Variants in MAP4 observed in about 807,000 individuals in gnomAD.
MAP4 encodes the protein microtubule associated protein 4.
A neutral mutation model predicts 170.2 loss-of-function variants in MAP4; 76 were observed. That is an observed-to-expected ratio of 0.45 (90% CI 0.37 to 0.54). MAP4 has a LOEUF of 0.54. Among genes scored for constraint, MAP4 ranks in the 20% least tolerant of loss-of-function variants. The probability of loss-of-function intolerance (pLI) is 0.00; values close to 1 mark genes in which losing one functional copy is unlikely to be tolerated. For missense variants in MAP4, 2,506 were observed against 2,748.0 expected (o/e 0.91, Z 1.97); for synonymous variants, 909 against 994.5 (o/e 0.91, Z 1.62).
chr3:47,909,502 T>A lies in MAP4; in HGVS notation c.4919A>T (p.Asn1640Ile). 6.2e-7 allele frequency: 1 copy of A among 1,613,586 alleles called. No individual in the cohort carries two copies. Among genetic ancestry groups the A allele is most frequent in the East Asian group, 2.2e-5 (1 of 44,888 alleles). The change falls in exon 9 of 21, where the codon AAT (asparagine) becomes ATT (isoleucine). Residue 1640 changes from asparagine to isoleucine, a missense_variant. This residue lies in a region of MAP4 where 2,008 missense variants were observed against 2,206.0 expected (regional missense o/e 0.91). Coordinates refer to ENST00000683076, the MANE Select transcript of MAP4 (RefSeq NM_001385682.1). Reference sequence around the variant, plus strand: ...ACCTTTGGAATTTCTATCTTGAGCATTTTGGTCCTCACAAAAACTGAGCTT... The same window carrying A: ...ACCTTTGGAATTTCTATCTTGAGCAATTTGGTCCTCACAAAAACTGAGCTT... ...AQKLSFCEDQ[N>I]AQDRNSKGSD...
rs1309743788 is a variant in MAP4 at position 47,894,752 on chromosome 3, G to T, written c.5434+8198C>A. ...TATGAAAGTCTGGAGATGGCTGGGT[G>T]CCATGGCTCACACCTGTAATCCCAG... On this transcript the variant is annotated intron_variant, in intron 10 of 20. Coordinates refer to ENST00000683076, the MANE Select transcript of MAP4 (RefSeq NM_001385682.1). Among the ~76,000 whole-genome samples, 3 of 152,074 alleles carry T rather than the reference G, an allele frequency of 2.0e-5. No homozygotes were observed. The East Asian group carries it at 5.8e-4, about 29-fold the overall frequency.
chr3:47,973,332 G>GT, intron 3 of MAP4: 1 of 984,954 alleles, frequency 1.0e-6, no homozygotes, highest in Non-Finnish European at 1.2e-6. Context: ...AAGCAGCCCT[G>GT]ACCAGTCTGG....
chr3:48,040,603 C>T (rs1184107164), intron 1 of MAP4, among the ~76,000 whole-genome samples: 1 of 151,608 alleles, frequency 6.6e-6, no homozygotes, highest in Non-Finnish European at 1.5e-5. Flanking sequence ...GTCTCACTGT[C>T]ACCCAGCTGG....
chr3:47,991,534 C>T (rs1365728003), intron 2 of MAP4, among the ~76,000 whole-genome samples: 3 of 152,158 alleles, frequency 2.0e-5, no homozygotes, highest in Non-Finnish European at 4.4e-5. Flanking sequence ...AAGGCACGCG[C>T]ACCTGTAGTC....
intron 3 of MAP4, among the ~76,000 whole-genome samples, chr3:47,952,469 T>G (rs958139042): frequency 2.0e-5 from 3 of 152,002 alleles, no homozygotes; most frequent in Non-Finnish European, 4.4e-5. Flanking sequence ...GGGAAAAGAT[T>G]GAGAAATCGG....
At chr3:47,977,732 C>G (rs185491580) in intron 3 of MAP4, 133 bp downstream of exon 3, 2 of 606,442 alleles carry the variant, frequency 3.3e-6, no homozygotes, top group East Asian at 5.3e-5. Context: ...GTTTAAATAC[C>G]TCCAACAAGA....
chr3:47,928,469 T>G, intron 3 of MAP4, 119 bp from the exon 4 acceptor site: 1 of 1,030,126 alleles, frequency 9.7e-7, no homozygotes, highest in African/African-American at 1.6e-5. Flanking sequence ...CTAGCTAGTG[T>G]CTTACAAGAA....
At chr3:47,968,818 G>C (rs116671432) in intron 3 of MAP4, among the ~76,000 whole-genome samples, 6,709 of 151,750 alleles carry the variant, frequency 0.044, 497 homozygotes, top group African/African-American at 0.15. Context: ...TCTTTCAAAA[G>C]ATGAAAAAAA....
At position 47,945,779 on chromosome 3, in the gene MAP4, G is replaced by A. The variant is rs535863641; in HGVS notation, c.293-17429C>T. Among the ~76,000 whole-genome samples the A allele has an allele frequency of 2.6e-5, 4 of 151,848 alleles. 1 individual carries two copies. The highest frequency in any genetic ancestry group is 2.1e-4 in the South Asian group (1 of 4,796). ...CTGTCACCCAGGCTGGAGTGCAGTG[G>A]AGCGATCTTGGCTCACTGCAGCCTC... is the stretch of plus-strand genomic sequence containing the variant. On this transcript the variant is annotated intron_variant, in intron 3 of 20. Transcript: ENST00000683076.
intron 1 of MAP4, among the ~76,000 whole-genome samples, chr3:48,065,615 T>C (rs1268579972): frequency 6.6e-6 from 1 of 152,074 alleles, no homozygotes; most frequent in African/African-American, 2.4e-5. Flanking sequence ...GTTGAGCAAA[T>C]CAAAAGAATA....
intron 17 of MAP4, among the ~76,000 whole-genome samples, chr3:47,862,918 G>GT (rs918723766): frequency 2.6e-5 from 4 of 151,082 alleles, no homozygotes; most frequent in East Asian, 2.0e-4. Flanking sequence ...TCATTTTACT[G>GT]TTTTTTTCTA....
At position 47,858,972 on chromosome 3, in the gene MAP4, C is replaced by CA. The variant is rs562665371; in HGVS notation, c.6502-1461dup. ...TGAAACCCCGTCTCTACTAAAAATA[C>CA]AAAAAAAATTAGCCGGGCGTGGTGG... On this transcript the variant is annotated intron_variant, in intron 17 of 20. Coordinates refer to ENST00000683076, the MANE Select transcript of MAP4 (RefSeq NM_001385682.1). 1.4e-4 allele frequency among the ~76,000 whole-genome samples: 21 copies of CA among 151,794 alleles called. No homozygotes were observed. The East Asian group carries it at 3.5e-3, about 25-fold the overall frequency.
chr3:48,029,233 T>A (rs2100114691), intron 1 of MAP4, among the ~76,000 whole-genome samples: 1 of 151,108 alleles, frequency 6.6e-6, no homozygotes, highest in Non-Finnish European at 1.5e-5. Flanking sequence ...AGGTCAGGAG[T>A]TCAAGACCAG....
chr3:48,081,877 T>C (rs906963342), intron 1 of MAP4, among the ~76,000 whole-genome samples: 5 of 152,044 alleles, frequency 3.3e-5, no homozygotes, highest in African/African-American at 9.7e-5. Context: ...CTTGGAGAAA[T>C]GGCTGATTTT....
At chr3:48,017,446 T>G (rs2100108329), upstream of MAP4, among the ~76,000 whole-genome samples, 1 of 151,992 alleles carries the variant, frequency 6.6e-6, no homozygotes, top group East Asian at 1.9e-4. Flanking sequence ...ACCTGATCTT[T>G]AAAGGGACCC....
chr3:47,869,149 G>A, intron 16 of MAP4, 65 bp downstream of exon 16: 3 of 1,242,902 alleles, frequency 2.4e-6, no homozygotes, highest in Admixed American at 1.7e-5. Flanking sequence ...GAGGGCATGT[G>A]GCTCAGGCTG....
Position 47,911,797 on chromosome 3 carries a change from A to G in MAP4, c.2624T>C (p.Leu875Pro). The change falls in exon 9 of 21, where the codon CTG (leucine) becomes CCG (proline). Residue 875 changes from leucine (L) to proline (P), a missense_variant. Physicochemically the swap from Leu to Pro is moderately conservative, Grantham distance 98. Around this residue, in one of 3 missense-constraint regions of MAP4, gnomAD observed 2,008 missense variants for 2,206.0 expected, o/e 0.91. Coordinates refer to ENST00000683076, the MANE Select transcript of MAP4 (RefSeq NM_001385682.1). The surrounding 1 kb of genome is among the most constrained non-coding windows in gnomAD (Gnocchi z 4.0). Reference protein sequence around the residue: ...PKTAISSQSKLRVEEESKSNK... With the variant: ...PKTAISSQSKPRVEEESKSNK... ...ACTTTTGCTCTCTTCCTCTACTCTC[A>G]GCTTAGACTGAGAACTTATTGCAGT... The G allele has an allele frequency of 1.3e-6, 2 of 1,536,130 alleles. No homozygotes were observed. The highest frequency in any genetic ancestry group is 8.7e-7 in the Non-Finnish European group (1 of 1,146,908).
At chr3:47,898,782 A>C (rs1440774011) in intron 10 of MAP4, among the ~76,000 whole-genome samples, 1 of 151,930 alleles carries the variant, frequency 6.6e-6, no homozygotes, top group East Asian at 1.9e-4. Flanking sequence ...ACATCTATAC[A>C]AAAAAAATAA....
chr3:47,920,123 A>G (rs2100041954), intron 5 of MAP4, among the ~76,000 whole-genome samples: 1 of 152,114 alleles, frequency 6.6e-6, no homozygotes, highest in Admixed American at 6.6e-5. Context: ...GGTGTCTGCC[A>G]CCACTCCCAG....
Sources: gnomAD v4.1 joint callset for allele counts (sites outside exome capture counted in the v4.1 genomes callset) on GRCh38, gnomAD v4.1.1 for gene constraint, gnomAD v4.1.1 regional missense constraint, Gnocchi (gnomAD v3.1) non-coding constraint, MANE v1.5 for transcripts, NCBI Gene and HGNC (gene_info 2026-07-23, HGNC 2026-07-21) for gene names.